PHKB: variants seen among roughly 807,000 people sequenced by gnomAD.
PHKB encodes the protein phosphorylase kinase regulatory subunit beta, also known as phosphorylase b kinase regulatory subunit beta.
A neutral mutation model predicts 152.1 loss-of-function variants in PHKB; 122 were observed. The observed-to-expected ratio is 0.80, with a 90% CI of 0.69 to 0.93. The LOEUF (loss-of-function observed/expected upper bound fraction) is 0.93, where lower values mean the gene tolerates loss of function less well. Among genes scored for constraint, PHKB ranks in the 40% least tolerant of loss-of-function variants. The pLI is 0.00. For synonymous variants in PHKB, 436 were observed against 464.9 expected (o/e 0.94, Z 0.80); for missense variants, 1,304 against 1,328.4 (o/e 0.98, Z 0.29).
intron 6 of PHKB, among the ~76,000 whole-genome samples, chr16:47,545,798 C>CT (rs1567300459): frequency 6.6e-6 from 1 of 152,134 alleles, no homozygotes; most frequent in East Asian, 1.9e-4. Flanking sequence ...TCTTTTTACT[C>CT]TTTTTTCTCT....
At chr16:47,566,539 T>A in intron 7 of PHKB, 3 of 1,597,718 alleles carry the variant, frequency 1.9e-6, no homozygotes, top group Non-Finnish European at 2.6e-6. Context: ...GCACTGATAT[T>A]TAGTCCTCTA....
At chr16:47,492,921 G>T (rs1196763137) in intron 1 of PHKB, among the ~76,000 whole-genome samples, 1 of 152,224 alleles carries the variant, frequency 6.6e-6, no homozygotes, top group East Asian at 1.9e-4. Context: ...AACCATGAGA[G>T]ATTAGGCTTG....
In PHKB at chr16:47,542,397, T is replaced by C. The variant is rs191031985; in HGVS notation, c.595-5036T>C. Among the ~76,000 whole-genome samples the C allele has an allele frequency of 3.7e-3, 557 of 152,188 alleles. 5 individuals are homozygous for C. The highest frequency in any genetic ancestry group is 0.013 in the African/African-American group (526 of 41,534). Reference sequence around the variant, plus strand: ...TACCAGTACCATGCTGTTTTGGTTATTGTAGCCTTGTAGTATAGTTTGAAG... The same window carrying C: ...TACCAGTACCATGCTGTTTTGGTTACTGTAGCCTTGTAGTATAGTTTGAAG... On this transcript the variant is annotated intron_variant, in intron 6 of 30. Coordinates refer to ENST00000323584, the MANE Select transcript of PHKB (RefSeq NM_000293.3).
At chr16:47,515,970 G>A (rs944613079) in intron 6 of PHKB, among the ~76,000 whole-genome samples, 50 of 149,374 alleles carry the variant, frequency 3.3e-4, no homozygotes, top group Non-Finnish European at 6.5e-4. Flanking sequence ...GCTCTGTCAC[G>A]GGGCTGGAGT....
At chr16:47,661,568 G>GA (rs1973444432) in intron 22 of PHKB, 151 bp from the exon 23 acceptor site, 2 of 681,150 alleles carry the variant, frequency 2.9e-6, no homozygotes, top group African/African-American at 3.5e-5. Context: ...GTCATCTTAT[G>GA]CTTGATATTA....
At chr16:47,652,846 T>C (rs1206250527) in intron 20 of PHKB, among the ~76,000 whole-genome samples, 6 of 152,210 alleles carry the variant, frequency 3.9e-5, no homozygotes, top group Non-Finnish European at 7.3e-5. Context: ...TCTTGCTATG[T>C]TGCCCAGGCT....
At chr16:47,645,733 A>G (rs1276829246) in intron 16 of PHKB, among the ~76,000 whole-genome samples, 1 of 151,724 alleles carries the variant, frequency 6.6e-6, no homozygotes, top group Non-Finnish European at 1.5e-5. Flanking sequence ...ATGAACAGAC[A>G]CTTCTCAAAA....
chr16:47,566,238 A>C (rs1597090567), intron 7 of PHKB: 1 of 819,830 alleles, frequency 1.2e-6, no homozygotes, highest in African/African-American at 1.7e-5. Flanking sequence ...CTTGTCTCCA[A>C]AGCTATCATC....
Position 47,641,633 on chromosome 16 carries a change from A to C in PHKB, c.1549A>C (p.Thr517Pro). The change falls in exon 16 of 31, where the codon ACT (threonine) becomes CCT (proline). Residue 517 changes from threonine (T) to proline (P), a missense_variant. Transcript: ENST00000323584. Reference sequence around the variant, plus strand: ...TTTTCTGAACACATATGGTATTCAAACTCAAACTCCTCAACAAGTAGAACC... The same window carrying C: ...TTTTCTGAACACATATGGTATTCAACCTCAAACTCCTCAACAAGTAGAACC... ...QVFLNTYGIQ[T>P]QTPQQVEPIQ... The C allele has an allele frequency of 1.2e-6, 2 of 1,606,124 alleles. No individual in the cohort carries two copies. Among genetic ancestry groups the C allele is most frequent in the Non-Finnish European group, 1.7e-6 (2 of 1,172,668 alleles).
intron 26 of PHKB, among the ~76,000 whole-genome samples, chr16:47,670,700 A>T (rs1973622639): frequency 6.6e-6 from 1 of 151,890 alleles, no homozygotes; most frequent in Admixed American, 6.6e-5. Flanking sequence ...ATGTTGGCCA[A>T]GCTGGTCTTG....
At chr16:47,480,348 G>A (rs1969943004) in intron 1 of PHKB, among the ~76,000 whole-genome samples, 1 of 152,160 alleles carries the variant, frequency 6.6e-6, no homozygotes, top group Non-Finnish European at 1.5e-5. Context: ...TCTGATGCTG[G>A]TGGGATTGGG....
At chr16:47,617,906 A>T (rs1435890584) in intron 14 of PHKB, among the ~76,000 whole-genome samples, 1 of 152,212 alleles carries the variant, frequency 6.6e-6, no homozygotes, top group Non-Finnish European at 1.5e-5. Context: ...GGAAGCCTTA[A>T]CTCATCCCAG....
intron 26 of PHKB, among the ~76,000 whole-genome samples, chr16:47,684,516 C>G (rs1973925602): frequency 1.3e-5 from 2 of 152,150 alleles, no homozygotes; most frequent in South Asian, 4.2e-4. Flanking sequence ...CCTGTAATCC[C>G]AGCACTCTGG....
At chr16:47,544,087 T>C (rs1439203539) in intron 6 of PHKB, among the ~76,000 whole-genome samples, 1 of 152,202 alleles carries the variant, frequency 6.6e-6, no homozygotes, top group African/African-American at 2.4e-5. Context: ...CTCTATCTCC[T>C]TCATTTCTGC....
In PHKB at chr16:47,511,693, C is replaced by T. The variant is rs774015833; in HGVS notation, c.434C>T (p.Pro145Leu). The T allele has an allele frequency of 6.8e-6, 11 of 1,612,952 alleles. No individual in the cohort carries two copies. The Admixed American group carries it at 1.8e-4, about 27-fold the overall frequency. The change falls in exon 5 of 31, where the codon CCA becomes CTA. Residue 145 changes from proline to leucine, a missense_variant. Pro to Leu is a moderately conservative substitution (Grantham distance 98). Coordinates refer to ENST00000323584, the MANE Select transcript of PHKB (RefSeq NM_000293.3). ...KVQQFKQDPR[P>L]TTCLHSVFNV... ...CAGCAGTTTAAGCAGGATCCACGCC[C>T]AACAACATGTCTTCACTCTGTTTTC...
At chr16:47,686,553 G>T (rs1169027785) in intron 26 of PHKB, among the ~76,000 whole-genome samples, 1 of 152,178 alleles carries the variant, frequency 6.6e-6, no homozygotes, top group African/African-American at 2.4e-5. Context: ...AGCAATAGTA[G>T]TATTCCCATT....
chr16:47,589,432 T>C (rs1435339151), intron 10 of PHKB, among the ~76,000 whole-genome samples: 1 of 152,210 alleles, frequency 6.6e-6, no homozygotes, highest in Non-Finnish European at 1.5e-5. Context: ...GTGAATAATT[T>C]TTCTATTGCA....
At chr16:47,514,305 C>T (rs1970559090) in intron 5 of PHKB, among the ~76,000 whole-genome samples, 1 of 152,144 alleles carries the variant, frequency 6.6e-6, no homozygotes, top group South Asian at 2.1e-4. Flanking sequence ...CATCTGCAAG[C>T]TGCAAAAGCA....
chr16:47,463,993 G>C, intron 1 of PHKB: 1 of 1,598,712 alleles, frequency 6.3e-7, no homozygotes, highest in Non-Finnish European at 8.6e-7. Context: ...CTTAAGGTCT[G>C]GTAAGTGTTG....
Sources: allele counts gnomAD v4.1 joint callset (sites outside exome capture counted in the v4.1 genomes callset), GRCh38; gene constraint gnomAD v4.1.1; transcripts MANE v1.5; gene names NCBI Gene and HGNC (gene_info 2026-07-23, HGNC 2026-07-21).